Variants in PILRA observed in about 807,000 individuals in gnomAD.
PILRA encodes paired immunoglobulin-like type 2 receptor alpha.
PILRA carries 37 observed loss-of-function variants against 33.1 expected under a neutral mutation model. That is an observed-to-expected ratio of 1.12 (90% CI 0.86 to 1.47). The LOEUF (loss-of-function observed/expected upper bound fraction) is 1.47. Among genes scored for constraint, PILRA ranks in the 40% most tolerant of loss-of-function variants. The probability of loss-of-function intolerance (pLI) is 0.00; values close to 1 mark genes in which losing one functional copy is unlikely to be tolerated. For synonymous variants in PILRA, 146 were observed against 149.9 expected (o/e 0.97, Z 0.19); for missense variants, 312 against 376.2 (o/e 0.83, Z 1.41).
chr7:100,373,583 G>C lies in PILRA; in HGVS notation c.-74G>C. The stretch of plus-strand genomic sequence containing the variant: ...TCCTCACTCACCTCAACCCCCAGGC[G>C]GCCCCTCCACAGGGCCCCTCTCCTG... On this transcript the variant is annotated 5_prime_UTR_variant, in exon 1 of 7. Coordinates refer to ENST00000198536, the MANE Select transcript of PILRA (RefSeq NM_013439.3). 1 of 1,554,946 alleles carries C rather than the reference G, an allele frequency of 6.4e-7. No homozygotes were observed. The highest frequency in any genetic ancestry group is 8.8e-7 in the Non-Finnish European group (1 of 1,130,638).
At chr7:100,373,411 G>A (rs1584207434), upstream of PILRA, 6 of 593,026 alleles carry the variant, frequency 1.0e-5, no homozygotes, top group African/African-American at 3.7e-5. Flanking sequence ...GGGCAGGGCT[G>A]ACTTGGCACT....
rs1387024861 is a variant in PILRA, at chr7:100,390,096, G to A, written c.663G>A (p.Arg221=). 5 of 1,613,888 alleles carry A rather than the reference G, an allele frequency of 3.1e-6. No homozygotes were observed. The highest frequency in any genetic ancestry group is 1.1e-5 in the South Asian group (1 of 91,064). Residue 221 remains arginine, a synonymous_variant, in exon 3 of 7, where the codon AGG becomes AGA. Coordinates refer to ENST00000198536, the MANE Select transcript of PILRA (RefSeq NM_013439.3). ...ILGLICLLRW[R]RRKGQQRTKA... ...GACTGATCTGCCTCCTCAGGTGGAG[G>A]AGAAGGAAAGGTAAGTGCCCAGGAC... is the stretch of plus-strand genomic sequence containing the variant.
At chr7:100,381,570 G>A (rs1290708648) in intron 2 of PILRA, among the ~76,000 whole-genome samples, 1 of 152,182 alleles carries the variant, frequency 6.6e-6, no homozygotes, top group Non-Finnish European at 1.5e-5. Context: ...AGGTGACAGC[G>A]TGCTGTCAGC....
intron 2 of PILRA, among the ~76,000 whole-genome samples, chr7:100,384,428 A>AAC (rs1791209987): frequency 6.7e-6 from 1 of 150,372 alleles, no homozygotes; most frequent in African/African-American, 2.5e-5. Flanking sequence ...AAAAAAAAAA[A>AAC]ATTTTTTTTT....
At chr7:100,393,174 G>A (rs192041424) in intron 3 of PILRA, among the ~76,000 whole-genome samples, 1 of 152,078 alleles carries the variant, frequency 6.6e-6, no homozygotes, top group East Asian at 1.9e-4. Flanking sequence ...CAGCTACTTG[G>A]GGGGCTGAGG....
intron 2 of PILRA, among the ~76,000 whole-genome samples, chr7:100,376,618 T>A (rs543730811): frequency 6.7e-6 from 1 of 149,200 alleles, no homozygotes; most frequent in African/African-American, 2.5e-5. Flanking sequence ...GTAGCTAGAA[T>A]TACAGGCACC....
chr7:100,394,193 G>C (rs972251708), intron 3 of PILRA, among the ~76,000 whole-genome samples: 2 of 152,152 alleles, frequency 1.3e-5, no homozygotes, highest in Non-Finnish European at 2.9e-5. Flanking sequence ...GAAGAGCAGA[G>C]GGGTCAGCAG....
chr7:100,376,810 C>T (rs897943292), intron 2 of PILRA, among the ~76,000 whole-genome samples: 16 of 140,208 alleles, frequency 1.1e-4, no homozygotes, highest in Non-Finnish European at 1.8e-4. Flanking sequence ...CGCTCTGTCA[C>T]CCAGGCTGGA....
intron 2 of PILRA, among the ~76,000 whole-genome samples, chr7:100,386,716 G>A (rs547352066): frequency 1.5e-4 from 23 of 151,304 alleles, no homozygotes; most frequent in African/African-American, 5.1e-4. Context: ...CAGGGGGAGC[G>A]GGGGTCTCAC....
chr7:100,396,435 C>T (rs1406016028), intron 3 of PILRA, among the ~76,000 whole-genome samples: 2 of 152,096 alleles, frequency 1.3e-5, no homozygotes, highest in Non-Finnish European at 1.5e-5. Context: ...GGTGGATCAC[C>T]TGAGGTCAGG....
intron 3 of PILRA, among the ~76,000 whole-genome samples, chr7:100,396,064 C>A (rs1321999692): frequency 6.6e-6 from 1 of 152,068 alleles, no homozygotes; most frequent in Non-Finnish European, 1.5e-5. Context: ...GCAGAGGTTG[C>A]AGTGAGCTGA....
intron 2 of PILRA, among the ~76,000 whole-genome samples, chr7:100,381,444 CAAAAAAA>C (rs60123996): frequency 6.1e-5 from 5 of 82,074 alleles, no homozygotes; most frequent in African/African-American, 1.9e-4. Context: ...GATCCTGACT[CAAAAAAA>C]AAAAAAAAAA....
chr7:100,381,032 T>C (rs1415691868), intron 2 of PILRA, among the ~76,000 whole-genome samples: 3 of 151,750 alleles, frequency 2.0e-5, no homozygotes, highest in Admixed American at 6.6e-5. Context: ...TTTGGGAGGC[T>C]GAGGCGGGTG....
Position 100,398,023 on chromosome 7 carries a change from G to A in PILRA, c.707+111G>A, listed in dbSNP as rs1170678998. ...GAACCCCACAAACCCAGCCTGCCACGGCCATTGTTGCATCCCCAACTTACC... is the reference window on the plus strand; with the variant it reads ...GAACCCCACAAACCCAGCCTGCCACAGCCATTGTTGCATCCCCAACTTACC... On this transcript the variant is annotated intron_variant, in intron 4 of 6. Coordinates refer to ENST00000198536, the MANE Select transcript of PILRA (RefSeq NM_013439.3). 2.9e-5 allele frequency: 30 copies of A among 1,051,148 alleles called. No individual in the cohort carries two copies. In the East Asian group the frequency reaches 7.0e-4, roughly 24 times the overall value. The allele number at this position is 1,051,148 out of a possible 1,614,324, so 65.1% of individuals were successfully genotyped here.
At chr7:100,381,175 A>G (rs1373281488) in intron 2 of PILRA, among the ~76,000 whole-genome samples, 1 of 152,058 alleles carries the variant, frequency 6.6e-6, no homozygotes, top group Non-Finnish European at 1.5e-5. Context: ...CTGAGGCAGG[A>G]GAATGGCGCG....
rs1373286880 is a variant in PILRA, at chr7:100,374,270, C to G, written c.291C>G (p.Leu97=). ...PSIHKDYVNR[L]FLNWTEGQKS... ...TTCACAAGGATTATGTGAACCGGCTCTTTCTGAACTGGACAGAGGGTCAGA... is the reference window on the plus strand; with the variant it reads ...TTCACAAGGATTATGTGAACCGGCTGTTTCTGAACTGGACAGAGGGTCAGA... The change falls in exon 2 of 7, where the codon CTC becomes CTG. Residue 97 remains leucine (L), a synonymous_variant. Transcript: ENST00000198536. The G allele has an allele frequency of 1.9e-6, 3 of 1,614,182 alleles. No individual in the cohort carries two copies. Among genetic ancestry groups the G allele is most frequent in the South Asian group, 1.1e-5 (1 of 91,084 alleles).
intron 3 of PILRA, among the ~76,000 whole-genome samples, chr7:100,397,496 G>C (rs555693383): frequency 1.3e-5 from 2 of 151,822 alleles, no homozygotes; most frequent in Non-Finnish European, 2.9e-5. Flanking sequence ...GCACAGGCAC[G>C]GTCTCCCTGA....
At chr7:100,386,044 C>T (rs569405150) in intron 2 of PILRA, among the ~76,000 whole-genome samples, 118 of 152,192 alleles carry the variant, frequency 7.8e-4, no homozygotes, top group African/African-American at 2.8e-3. Context: ...ATTCTCCTGC[C>T]TCAGCCTCCC....
intron 2 of PILRA, among the ~76,000 whole-genome samples, chr7:100,381,954 C>G (rs1402440470): frequency 1.3e-5 from 2 of 152,138 alleles, no homozygotes; most frequent in African/African-American, 2.4e-5. Context: ...AGCTGCCTCC[C>G]GGCAGGGCAG....
Sources: allele counts gnomAD v4.1 joint callset (sites outside exome capture counted in the v4.1 genomes callset), GRCh38; gene constraint gnomAD v4.1.1; transcripts MANE v1.5; gene names NCBI Gene and HGNC (gene_info 2026-07-23, HGNC 2026-07-21).